The following INPP5A variants were observed in gnomAD, a reference collection of about 807,000 sequenced individuals.
The protein encoded by INPP5A is 43 kDa inositol polyphosphate 5-phophatase.
In INPP5A, 14 loss-of-function variants were observed where a neutral mutation model predicts 65.2. That is an observed-to-expected ratio of 0.21 (90% CI 0.14 to 0.34). The LOEUF (loss-of-function observed/expected upper bound fraction) is 0.34, where lower values mean the gene tolerates loss of function less well. Ranked by LOEUF, INPP5A falls within the 10% of genes least tolerant of loss-of-function variation. The pLI is 1.00. For synonymous variants in INPP5A, 207 were observed against 208.3 expected (o/e 0.99, Z 0.05); for missense variants, 431 against 545.6 (o/e 0.79, Z 2.09).
At chr10:132,715,739 G>A (rs1370010834) in intron 8 of INPP5A, among the ~76,000 whole-genome samples, 1 of 152,264 alleles carries the variant, frequency 6.6e-6, no homozygotes, top group East Asian at 1.9e-4. Flanking sequence ...CCTGGCCACA[G>A]GGCTGGTTCT....
intron 2 of INPP5A, among the ~76,000 whole-genome samples, chr10:132,623,017 C>T (rs1026431467): frequency 1.5e-4 from 23 of 151,888 alleles, no homozygotes; most frequent in Non-Finnish European, 3.2e-4. Flanking sequence ...ATATACCGTC[C>T]GTGTTCGTGG....
At chr10:132,662,113 C>G (rs745651304) in intron 4 of INPP5A, among the ~76,000 whole-genome samples, 2 of 152,258 alleles carry the variant, frequency 1.3e-5, no homozygotes, top group South Asian at 4.1e-4. Context: ...AAAGCAGAAA[C>G]CACTATAAGA....
chr10:132,645,735 G>A, intron 2 of INPP5A, 133 bp from the exon 3 acceptor site: 1 of 618,208 alleles, frequency 1.6e-6, no homozygotes, highest in Admixed American at 2.6e-5. Context: ...AGAACCCATG[G>A]TCGCAGACAT....
chr10:132,684,554 G>A (rs1254230769), intron 4 of INPP5A, among the ~76,000 whole-genome samples: 2 of 152,220 alleles, frequency 1.3e-5, no homozygotes, highest in African/African-American at 4.8e-5. Context: ...AAGTTCACAG[G>A]ATGTGGTGTG....
chr10:132,618,178 T>C (rs1418304005), intron 2 of INPP5A, among the ~76,000 whole-genome samples: 2 of 152,246 alleles, frequency 1.3e-5, no homozygotes, highest in African/African-American at 2.4e-5. Context: ...TAAATTGAGA[T>C]AATAAATGTT....
chr10:132,726,822 A>G lies in INPP5A; in HGVS notation c.649A>G (p.Ile217Val), dbSNP rs1240773521. The G allele has an allele frequency of 6.3e-7, 1 of 1,597,188 alleles. No individual in the cohort carries two copies. Among genetic ancestry groups the G allele is most frequent in the Non-Finnish European group, 8.6e-7 (1 of 1,168,452 alleles). Residue 217 changes from isoleucine (I) to valine (V), a missense_variant and splice_region_variant, in exon 9 of 16, where the codon ATC becomes GTC. Coordinates refer to ENST00000368594, the MANE Select transcript of INPP5A (RefSeq NM_005539.5). ...HKALGYVLDR[I>V]IDQRFEKVSY... The stretch of plus-strand genomic sequence containing the variant: ...AACAAGTCCTCTTTTTCTTTCCAGA[A>G]TCATTGATCAGCGATTCGAGAAGGT...
chr10:132,554,048 G>C (rs554924431), intron 1 of INPP5A, among the ~76,000 whole-genome samples: 133 of 151,648 alleles, frequency 8.8e-4, no homozygotes, highest in African/African-American at 3.1e-3. Context: ...GTGGCATATT[G>C]AGTAGGACAG....
chr10:132,726,229 C>T (rs888211912), intron 8 of INPP5A, among the ~76,000 whole-genome samples: 2 of 152,230 alleles, frequency 1.3e-5, no homozygotes, highest in African/African-American at 2.4e-5. Flanking sequence ...CACTGTTACC[C>T]TCTCACTTTG....
intron 8 of INPP5A, among the ~76,000 whole-genome samples, chr10:132,712,277 C>T (rs551651123): frequency 9.2e-5 from 14 of 152,056 alleles, no homozygotes; most frequent in Admixed American, 7.9e-4. Context: ...TGTGTGTGCA[C>T]ACATGCACAT....
In INPP5A at chr10:132,719,636, C is replaced by A. The variant is rs55836752; in HGVS notation, c.648-7185C>A. On this transcript the variant is annotated intron_variant, in intron 8 of 15. Coordinates refer to ENST00000368594, the MANE Select transcript of INPP5A (RefSeq NM_005539.5). ...GGAGGCGCCTTAGACAGCTGTCTTG[C>A]GGGTTCTGTGGTACCTGGGTTCTGT... is the stretch of plus-strand genomic sequence containing the variant. 2.5e-4 allele frequency among the ~76,000 whole-genome samples: 31 copies of A among 122,984 alleles called. 1 individual carries two copies. The highest frequency in any genetic ancestry group is 7.1e-4 in the African/African-American group (19 of 26,608). 80.7% of individuals were successfully genotyped at this position (122,984 alleles called of 152,430 possible).
At chr10:132,731,504 C>T (rs1355187001) in intron 9 of INPP5A, among the ~76,000 whole-genome samples, 2 of 152,166 alleles carry the variant, frequency 1.3e-5, no homozygotes, top group Admixed American at 6.5e-5. Flanking sequence ...GCGTATCAGA[C>T]GACCCTGGGA....
intron 1 of INPP5A, among the ~76,000 whole-genome samples, chr10:132,554,112 A>C (rs1334334374): frequency 2.0e-5 from 3 of 152,128 alleles, no homozygotes; most frequent in Non-Finnish European, 4.4e-5. Flanking sequence ...ATTGAGTGGG[A>C]TAGGGAGGGA....
At chr10:132,696,476 G>A (rs1029263484) in intron 5 of INPP5A, among the ~76,000 whole-genome samples, 1 of 152,166 alleles carries the variant, frequency 6.6e-6, no homozygotes, top group African/African-American at 2.4e-5. Flanking sequence ...GCTCCACGGG[G>A]TGTTATTTGG....
In INPP5A at chr10:132,751,220, C is replaced by G. The variant is rs557476377; in HGVS notation, c.903+1375C>G. On this transcript the variant is annotated intron_variant, in intron 11 of 15. Transcript: ENST00000368594. ...CCCGAGGCTCCCGTGACGCCCACAC[C>G]TCCGTGGTGCCTGGGCCTCCTGTGC... Among the ~76,000 whole-genome samples, 6 of 152,370 alleles carry G rather than the reference C, an allele frequency of 3.9e-5. No individual in the cohort carries two copies. In the East Asian group the frequency reaches 1.2e-3, roughly 29 times the overall value.
intron 9 of INPP5A, among the ~76,000 whole-genome samples, chr10:132,735,681 G>A (rs1229418250): frequency 6.6e-6 from 1 of 152,258 alleles, no homozygotes; most frequent in Non-Finnish European, 1.5e-5. Flanking sequence ...GGTGCCCTCA[G>A]TGGCAGGCTT....
intron 1 of INPP5A, among the ~76,000 whole-genome samples, chr10:132,577,129 G>C (rs1320593846): frequency 6.6e-6 from 1 of 152,210 alleles, no homozygotes; most frequent in Non-Finnish European, 1.5e-5. Context: ...AGGAGTGGAG[G>C]GGGCAGAGGG....
At chr10:132,581,938 T>C (rs2814445) in intron 1 of INPP5A, among the ~76,000 whole-genome samples, 136,664 of 151,946 alleles carry the variant, frequency 0.9, 61,521 homozygotes, top group East Asian at 1. Context: ...CCTGGGTTCA[T>C]GCCATTCTCC....
At chr10:132,677,887 A>G (rs1440422636) in intron 4 of INPP5A, among the ~76,000 whole-genome samples, 3 of 152,230 alleles carry the variant, frequency 2.0e-5, no homozygotes, top group African/African-American at 7.2e-5. Flanking sequence ...CGCTTTATAA[A>G]ATGCTCTTTA....
At chr10:132,596,771 G>A (rs1457785558) in intron 1 of INPP5A, among the ~76,000 whole-genome samples, 3 of 151,832 alleles carry the variant, frequency 2.0e-5, no homozygotes, top group Non-Finnish European at 2.9e-5. Context: ...ATGCATGCAT[G>A]TGTGTTTGTG....
Sources: gnomAD v4.1 joint callset for allele counts (sites outside exome capture counted in the v4.1 genomes callset) on GRCh38, gnomAD v4.1.1 for gene constraint, MANE v1.5 for transcripts, NCBI Gene and HGNC (gene_info 2026-07-23, HGNC 2026-07-21) for gene names.